The following ZFYVE1 variants were observed in gnomAD, a reference collection of about 807,000 sequenced individuals.
ZFYVE1 encodes zinc finger FYVE-type containing 1, also known as zinc finger FYVE domain-containing protein 1.
In ZFYVE1, 30 loss-of-function variants were observed where a neutral mutation model predicts 74.4. The observed-to-expected ratio is 0.40, with a 90% confidence interval of 0.30 to 0.55. ZFYVE1 has a LOEUF of 0.55. Among genes scored for constraint, ZFYVE1 ranks in the 20% least tolerant of loss-of-function variants. The probability of loss-of-function intolerance (pLI) is 0.42; values close to 1 mark genes in which losing one functional copy is unlikely to be tolerated. For synonymous variants in ZFYVE1, 335 were observed against 385.1 expected (o/e 0.87, Z 1.52); for missense variants, 703 against 1,011.6 (o/e 0.69, Z 4.14).
At chr14:72,974,609 G>A (rs572885746) in intron 10 of ZFYVE1, among the ~76,000 whole-genome samples, 170 bp downstream of exon 10, 1 of 152,328 alleles carries the variant, frequency 6.6e-6, no homozygotes, top group Non-Finnish European at 1.5e-5. Context: ...CTGAGGAACA[G>A]CACCCATAGG....
At chr14:73,004,174 G>A (rs1594854968) in intron 2 of ZFYVE1, among the ~76,000 whole-genome samples, 1 of 152,272 alleles carries the variant, frequency 6.6e-6, no homozygotes, top group Middle Eastern at 3.4e-3. Context: ...CGGCCAGCAA[G>A]AGAAACAAAA....
chr14:73,023,000 T>A (rs1374964204), intron 2 of ZFYVE1, among the ~76,000 whole-genome samples: 1 of 151,472 alleles, frequency 6.6e-6, no homozygotes, highest in Non-Finnish European at 1.5e-5. Context: ...CCGTCTCTAC[T>A]AAAAATTCTA....
At chr14:72,981,478 C>T (rs947724994) in intron 5 of ZFYVE1, among the ~76,000 whole-genome samples, 15 of 152,078 alleles carry the variant, frequency 9.9e-5, no homozygotes, top group African/African-American at 3.1e-4. Context: ...AAGCAGGCAA[C>T]CCAAAGTCTT....
chr14:72,995,687 C>T (rs1893727923), intron 3 of ZFYVE1, among the ~76,000 whole-genome samples: 1 of 152,054 alleles, frequency 6.6e-6, no homozygotes, highest in Non-Finnish European at 1.5e-5. Context: ...CTCTCCTTAT[C>T]TTCGAGGCAC....
intron 2 of ZFYVE1, among the ~76,000 whole-genome samples, chr14:73,002,932 T>C (rs1032393510): frequency 1.3e-5 from 2 of 151,092 alleles, no homozygotes; most frequent in Admixed American, 1.3e-4. Flanking sequence ...TTAGTAGAGA[T>C]GGGGTTTCAG....
chr14:72,974,069 G>A lies in ZFYVE1; in HGVS notation c.2101+11C>T. ...ATCCACTACCCCCAAGAGAAGCACTGCCAGGCCCACCTAGTGGTATGTCAA... is the reference window on the plus strand; with the variant it reads ...ATCCACTACCCCCAAGAGAAGCACTACCAGGCCCACCTAGTGGTATGTCAA... On this transcript the variant is annotated intron_variant, in intron 11 of 11. Coordinates refer to ENST00000556143, the MANE Select transcript of ZFYVE1 (RefSeq NM_021260.4). 1 of 1,613,228 alleles carries A rather than the reference G, an allele frequency of 6.2e-7. No individual in the cohort carries two copies. The highest frequency in any genetic ancestry group is 8.5e-7 in the Non-Finnish European group (1 of 1,179,244).
Position 72,969,708 on chromosome 14 carries a change from T to C in ZFYVE1, c.*1174A>G. 1 of 702,498 alleles carries C rather than the reference T, an allele frequency of 1.4e-6. No individual in the cohort carries two copies. Among genetic ancestry groups the C allele is most frequent in the Non-Finnish European group, 2.6e-6 (1 of 384,794 alleles). The allele number at this position is 702,498 out of a possible 1,614,324, so 43.5% of individuals were successfully genotyped here. ...GATCAAATCCACCATGATGATAGGA[T>C]TTCAGCACAACGGGCCCTTTCCAGT... On this transcript the variant is annotated 3_prime_UTR_variant, in exon 12 of 12. Coordinates refer to ENST00000556143, the MANE Select transcript of ZFYVE1 (RefSeq NM_021260.4).
intron 2 of ZFYVE1, among the ~76,000 whole-genome samples, chr14:73,022,623 G>A (rs1894339969): frequency 6.6e-6 from 1 of 152,132 alleles, no homozygotes; most frequent in African/African-American, 2.4e-5. Context: ...ACTTACCCTT[G>A]GCTATATAGT....
At position 72,974,272 on chromosome 14, in the gene ZFYVE1, G is replaced by A. The variant is rs533808036; in HGVS notation, c.1988-79C>T. ...AAAACTCAGGGACCAATAGCAGAAC[G>A]CTTCTGGATTCTGATCCCAGACACC... On this transcript the variant is annotated intron_variant, in intron 10 of 11. Transcript: ENST00000556143. 2.2e-5 allele frequency: 29 copies of A among 1,340,124 alleles called. No individual in the cohort carries two copies. The South Asian group carries it at 2.2e-4, about 10-fold the overall frequency. The allele number at this position is 1,340,124 out of a possible 1,614,324, so 83.0% of individuals were successfully genotyped here.
Position 72,998,178 on chromosome 14 carries a change from G to A in ZFYVE1, c.621C>T (p.Val207=). 1.2e-6 allele frequency: 2 copies of A among 1,614,048 alleles called. No individual in the cohort carries two copies. Among genetic ancestry groups the A allele is most frequent in the South Asian group, 1.1e-5 (1 of 91,072 alleles). Residue 207 remains valine (V), a synonymous_variant, in exon 3 of 12, where the codon GTC becomes GTT. Transcript: ENST00000556143. ...ACTCCTGGGTCGGGGAGGTTTTAAA[G>A]ACTTCACGACCATAAAAGAAAGTGT... ...LNHTFFYGRE[V]FKTSPTQESC...
At chr14:72,998,850 CA>C (rs551199975) in intron 2 of ZFYVE1, among the ~76,000 whole-genome samples, 2,050 of 111,864 alleles carry the variant, frequency 0.018, 38 homozygotes, top group African/African-American at 0.06. Context: ...GACCCTGCCT[CA>C]AAAAAAAAAA....
At chr14:72,994,378 A>T (rs1464893284) in intron 3 of ZFYVE1, among the ~76,000 whole-genome samples, 2 of 151,054 alleles carry the variant, frequency 1.3e-5, no homozygotes, top group Non-Finnish European at 3.0e-5. Flanking sequence ...ATGTACATGA[A>T]GTACATAAGC....
chr14:72,998,393 C>A (rs1893799712), intron 2 of ZFYVE1, 78 bp from the exon 3 acceptor site: 1 of 1,327,512 alleles, frequency 7.5e-7, no homozygotes, highest in African/African-American at 1.5e-5. Context: ...GAAGTGCTTC[C>A]CAAGGACAAG....
intron 6 of ZFYVE1, 80 bp from the exon 7 acceptor site, chr14:72,978,314 G>T: frequency 7.0e-7 from 1 of 1,428,452 alleles, no homozygotes; most frequent in Non-Finnish European, 9.7e-7. Flanking sequence ...TACCAGCCCA[G>T]GCTGGTTGTG....
chr14:73,021,911 T>A (rs1894327728), intron 2 of ZFYVE1, among the ~76,000 whole-genome samples: 1 of 151,940 alleles, frequency 6.6e-6, no homozygotes, highest in Non-Finnish European at 1.5e-5. Flanking sequence ...GAAAAAAAAA[T>A]ACACATTCTC....
chr14:72,983,508 A>C (rs981035286), intron 4 of ZFYVE1, among the ~76,000 whole-genome samples: 2 of 151,894 alleles, frequency 1.3e-5, no homozygotes, highest in Non-Finnish European at 2.9e-5. Context: ...AGCTTCATCC[A>C]TGTCCCTACA....
rs1893007897 is a variant in ZFYVE1 at position 72,970,652 on chromosome 14, G to A, written c.*230C>T. On this transcript the variant is annotated 3_prime_UTR_variant, in exon 12 of 12. Transcript: ENST00000556143. ...TATTTTTAACTGAAATAAATGCAAC[G>A]GATTCAGGTTCATTCCCCTTTGCGA... The A allele has an allele frequency of 3.4e-6, 2 of 582,006 alleles. No homozygotes were observed. Among genetic ancestry groups the A allele is most frequent in the Non-Finnish European group, 6.2e-6 (2 of 325,148 alleles). 36.1% of individuals were successfully genotyped at this position (582,006 alleles called of 1,614,324 possible).
At chr14:72,985,664 A>G (rs1374486413) in intron 4 of ZFYVE1, among the ~76,000 whole-genome samples, 1 of 152,026 alleles carries the variant, frequency 6.6e-6, no homozygotes. Context: ...GATGATACAG[A>G]AAGAAAAAAA....
chr14:72,990,882 G>A (rs1893594557), intron 4 of ZFYVE1, among the ~76,000 whole-genome samples: 1 of 151,072 alleles, frequency 6.6e-6, no homozygotes, highest in Admixed American at 6.6e-5. Context: ...TGTATTTTTA[G>A]TAGAGACAGG....
Sources: gnomAD v4.1 joint callset for allele counts (sites outside exome capture counted in the v4.1 genomes callset) on GRCh38, gnomAD v4.1.1 for gene constraint, MANE v1.5 for transcripts, NCBI Gene and HGNC (gene_info 2026-07-23, HGNC 2026-07-21) for gene names.